The following SGIP1 variants were observed in gnomAD, a reference collection of about 807,000 sequenced individuals.
SGIP1 encodes SH3-containing GRB2-like protein 3-interacting protein 1.
Under a neutral mutation model 107.5 loss-of-function variants are expected in SGIP1, and 38 were observed. The observed-to-expected ratio is 0.35, with a 90% CI of 0.27 to 0.46. SGIP1 has a LOEUF of 0.46. SGIP1 is among the 20% of genes least tolerant of loss of function. The probability of loss-of-function intolerance (pLI) is 1.00; values close to 1 mark genes in which losing one functional copy is unlikely to be tolerated. For missense variants in SGIP1, 929 were observed against 1,019.5 expected (o/e 0.91, Z 1.21); for synonymous variants, 365 against 366.1 (o/e 1.00, Z 0.03).
chr1:66,643,707 C>T lies in SGIP1; in HGVS notation c.447C>T (p.Ser149=), dbSNP rs2077157798. 6.2e-7 allele frequency: 1 copy of T among 1,608,388 alleles called. No homozygotes were observed. Among genetic ancestry groups the T allele is most frequent in the Non-Finnish European group, 8.5e-7 (1 of 1,178,032 alleles). Residue 149 remains serine, a synonymous_variant, in exon 7 of 25, where the codon TCC becomes TCT. Transcript: ENST00000371037. ...CATCAATAGGCAACATCGCACTTTC[C>T]CCATCACCAGTGGTGAGTGTTGTGT... ...LKASIGNIAL[S]PSPVRKSPRR...
At position 66,634,261 on chromosome 1, in the gene SGIP1, C is replaced by T. The variant is rs557929293; in HGVS notation, c.99+1167C>T. The T allele has an allele frequency of 4.5e-6, 4 of 886,378 alleles. No individual in the cohort carries two copies. The African/African-American group carries it at 5.0e-5, about 11-fold the overall frequency. The allele number at this position is 886,378 out of a possible 1,614,324, so 54.9% of individuals were successfully genotyped here. Reference sequence around the variant, plus strand: ...CCTTTGCAAAGCTCTGTTAGCTACTCTGCTTTCTATCCTTGCTGCTCCCAG... The same window carrying T: ...CCTTTGCAAAGCTCTGTTAGCTACTTTGCTTTCTATCCTTGCTGCTCCCAG... On this transcript the variant is annotated intron_variant, in intron 3 of 24. Coordinates refer to ENST00000371037, the MANE Select transcript of SGIP1 (RefSeq NM_032291.4).
At chr1:66,675,541 C>CTTTTTTTTTTTTTTTT (rs71242802) in intron 12 of SGIP1, among the ~76,000 whole-genome samples, 27 of 112,376 alleles carry the variant, frequency 2.4e-4, no homozygotes, top group Non-Finnish European at 3.3e-4. Flanking sequence ...CTTTTTCTTT[C>CTTTTTTTTTTTTTTTT]TTTTTTTTTT....
intron 1 of SGIP1, among the ~76,000 whole-genome samples, chr1:66,621,146 C>T: frequency 6.6e-6 from 1 of 152,182 alleles, no homozygotes; most frequent in East Asian, 1.9e-4. Context: ...TTTTTGCAAA[C>T]TTCTGATACA....
intron 4 of SGIP1, among the ~76,000 whole-genome samples, chr1:66,637,854 TAC>T (rs1198701010): frequency 4.7e-5 from 7 of 150,292 alleles, no homozygotes; most frequent in African/African-American, 1.5e-4. Flanking sequence ...CATATATACA[TAC>T]ACACATACAT....
Position 66,681,883 on chromosome 1 carries a change from G to T in SGIP1, c.829G>T (p.Ala277Ser). The change falls in exon 15 of 25, where the codon GCC (alanine) becomes TCC (serine). Residue 277 changes from alanine to serine, a missense_variant. Around this residue, in one of 2 missense-constraint regions of SGIP1, gnomAD observed 588 missense variants for 588.6 expected, o/e 1.00. Transcript: ENST00000371037. ...TTTAACCACAGGAAATGACCAGTCAGCCACAGAGGTCAAAATTGAAAAACT... is the reference window on the plus strand; with the variant it reads ...TTTAACCACAGGAAATGACCAGTCATCCACAGAGGTCAAAATTGAAAAACT... ...LTIGPGNDQS[A>S]TEVKIEKLPS... The T allele has an allele frequency of 6.2e-7, 1 of 1,612,254 alleles. No homozygotes were observed. Among genetic ancestry groups the T allele is most frequent in the Non-Finnish European group, 8.5e-7 (1 of 1,178,830 alleles).
chr1:66,561,496 G>T (rs2058943161), intron 1 of SGIP1, among the ~76,000 whole-genome samples: 1 of 152,000 alleles, frequency 6.6e-6, no homozygotes, highest in African/African-American at 2.4e-5. Flanking sequence ...CAGAACTTGA[G>T]AAAATGAAGA....
intron 2 of SGIP1, among the ~76,000 whole-genome samples, chr1:66,632,455 A>T (rs190575149): frequency 2.6e-4 from 40 of 152,308 alleles, no homozygotes; most frequent in African/African-American, 9.1e-4. Flanking sequence ...TTCATCTAGG[A>T]GGCAATTCAG....
intron 1 of SGIP1, among the ~76,000 whole-genome samples, chr1:66,539,011 T>C (rs1034105058): frequency 6.6e-6 from 1 of 152,224 alleles, no homozygotes. Flanking sequence ...CTCATACTTG[T>C]GGCTTATCTT....
chr1:66,700,621 G>A (rs901242878), intron 18 of SGIP1, among the ~76,000 whole-genome samples: 1 of 147,558 alleles, frequency 6.8e-6, no homozygotes, highest in African/African-American at 2.4e-5. Context: ...TGTGTACTAT[G>A]TATAATAATC....
intron 19 of SGIP1, among the ~76,000 whole-genome samples, chr1:66,721,210 G>A (rs2093515601): frequency 6.6e-6 from 1 of 152,052 alleles, no homozygotes; most frequent in Non-Finnish European, 1.5e-5. Flanking sequence ...AACTGTTAAG[G>A]CAAGTAGACA....
chr1:66,552,001 T>A (rs139522736), intron 1 of SGIP1, among the ~76,000 whole-genome samples: 1 of 152,220 alleles, frequency 6.6e-6, no homozygotes, highest in African/African-American at 2.4e-5. Flanking sequence ...CATACCTCTA[T>A]GAGGAGTAGT....
chr1:66,593,776 G>T (rs551502083), intron 1 of SGIP1, among the ~76,000 whole-genome samples: 1 of 152,042 alleles, frequency 6.6e-6, no homozygotes, highest in African/African-American at 2.4e-5. Flanking sequence ...CACCAAAAAA[G>T]ATATAAAAAC....
intron 11 of SGIP1, among the ~76,000 whole-genome samples, chr1:66,672,797 T>C (rs2084143873): frequency 6.6e-6 from 1 of 152,126 alleles, no homozygotes; most frequent in African/African-American, 2.4e-5. Context: ...ACTAGTCTAT[T>C]AGAGGATGAA....
intron 8 of SGIP1, among the ~76,000 whole-genome samples, chr1:66,660,876 T>G (rs536165791): frequency 2.0e-5 from 3 of 152,202 alleles, no homozygotes; most frequent in Non-Finnish European, 4.4e-5. Context: ...GCTAAGCAAA[T>G]GTTTTATAAG....
At chr1:66,655,469 T>C (rs1411851699) in intron 7 of SGIP1, among the ~76,000 whole-genome samples, 1 of 152,208 alleles carries the variant, frequency 6.6e-6, no homozygotes, top group African/African-American at 2.4e-5. Context: ...AAATACTAAA[T>C]ACTTTCCTTA....
In SGIP1 at chr1:66,739,535, C is replaced by A. The variant is rs775060500; in HGVS notation, c.2232C>A (p.Val744=). The change falls in exon 22 of 25, where the codon GTC becomes GTA. Residue 744 remains valine (V), a splice_region_variant and synonymous_variant. Transcript: ENST00000371037. The part of the protein sequence containing the change: ...TKLQAVLPPA[V]WNAEQQRILW... The stretch of plus-strand genomic sequence containing the variant: ...TCCAGGCAGTGCTCCCACCAGCAGT[C>A]TGGTATGAAGCCTCCTATTCTCTCC... 1 of 1,613,596 alleles carries A rather than the reference C, an allele frequency of 6.2e-7. No individual in the cohort carries two copies. Among genetic ancestry groups the A allele is most frequent in the South Asian group, 1.1e-5 (1 of 91,028 alleles).
rs761477805 is a variant in SGIP1, at chr1:66,719,286, T to C, written c.1631-8T>C. 1 of 1,593,482 alleles carries C rather than the reference T, an allele frequency of 6.3e-7. No homozygotes were observed. Among genetic ancestry groups the C allele is most frequent in the Non-Finnish European group, 8.6e-7 (1 of 1,168,380 alleles). ...TCATAATAAATGAAAATTTTTCATT[T>C]CATGCAGGTTCTTCCAGGGGACCCA... is the stretch of plus-strand genomic sequence containing the variant. On this transcript the variant is annotated splice_region_variant and splice_polypyrimidine_tract_variant and intron_variant, in intron 18 of 24. Coordinates refer to ENST00000371037, the MANE Select transcript of SGIP1 (RefSeq NM_032291.4).
Position 66,747,583 on chromosome 1 carries a change from C to G in SGIP1, c.*4488C>G, listed in dbSNP as rs1000701563. On this transcript the variant is annotated 3_prime_UTR_variant, in exon 25 of 25. Transcript: ENST00000371037. Reference sequence around the variant, plus strand: ...ACAAAATCCTAATCAATGTTTCCTTCTTTGCAAGGGACATTCAGATCTCTA... The same window carrying G: ...ACAAAATCCTAATCAATGTTTCCTTGTTTGCAAGGGACATTCAGATCTCTA... 1.3e-5 allele frequency: 2 copies of G among 151,974 alleles called. No individual in the cohort carries two copies. Among genetic ancestry groups the G allele is most frequent in the Non-Finnish European group, 2.9e-5 (2 of 67,872 alleles). 9.4% of individuals were successfully genotyped at this position (151,974 alleles called of 1,614,324 possible). A position where few individuals can be genotyped will look rare whatever the true frequency, so the allele number is the denominator to read the frequency against.
chr1:66,627,142 T>C (rs1432789933), intron 2 of SGIP1, among the ~76,000 whole-genome samples: 2 of 152,184 alleles, frequency 1.3e-5, no homozygotes, highest in African/African-American at 4.8e-5. Context: ...ACTCTTATTA[T>C]TACTGACACA....
Sources: allele counts gnomAD v4.1 joint callset (sites outside exome capture counted in the v4.1 genomes callset), GRCh38; gene constraint gnomAD v4.1.1; regional missense constraint gnomAD v4.1.1; transcripts MANE v1.5; gene names NCBI Gene and HGNC (gene_info 2026-07-23, HGNC 2026-07-21).